Variants in FHIT observed in about 807,000 individuals in gnomAD.
FHIT encodes fragile histidine triad diadenosine triphosphatase.
A neutral mutation model predicts 17.9 loss-of-function variants in FHIT; 19 were observed. That is an observed-to-expected ratio of 1.06 (90% CI 0.74 to 1.56). FHIT has a LOEUF of 1.56. FHIT is among the 40% of genes most tolerant of loss of function. The pLI is 0.00. For missense variants in FHIT, 248 were observed against 189.2 expected, an observed-to-expected ratio of 1.31 and a Z score of -1.82; for synonymous variants, 81 against 69.7, an observed-to-expected ratio of 1.16 and a Z score of -0.81.
At chr3:60,378,956 A>G (rs114059387) in intron 5 of FHIT, among the ~76,000 whole-genome samples, 1,684 of 152,332 alleles carry the variant, frequency 0.011, 31 homozygotes, top group African/African-American at 0.039. Context: ...ACTACAATCA[A>G]GTAGGTGGTA....
intron 5 of FHIT, among the ~76,000 whole-genome samples, chr3:60,424,104 A>G (rs182430597): frequency 1.3e-5 from 2 of 152,252 alleles, no homozygotes; most frequent in East Asian, 3.9e-4. Context: ...CTTTAACCCT[A>G]TAATATCCCT....
At chr3:60,255,320 A>G (rs17339157) in intron 5 of FHIT, among the ~76,000 whole-genome samples, 26,420 of 152,166 alleles carry the variant, frequency 0.17, 2,409 homozygotes, top group Admixed American at 0.26. Context: ...CAGGGTTTAA[A>G]CATCAAACCA....
chr3:60,697,590 T>C (rs1417994198), intron 4 of FHIT, among the ~76,000 whole-genome samples: 1 of 152,116 alleles, frequency 6.6e-6, no homozygotes, highest in African/African-American at 2.4e-5. Context: ...TGTAAACCAA[T>C]CAGAATAGCA....
intron 4 of FHIT, among the ~76,000 whole-genome samples, chr3:60,821,224 C>G (rs1183481035): frequency 6.6e-6 from 1 of 152,156 alleles, no homozygotes; most frequent in Non-Finnish European, 1.5e-5. Flanking sequence ...GATCCACCTA[C>G]CTCGGCCTCC....
rs1708519870 is a variant in FHIT, at chr3:59,978,690, T to A, written c.279+32681A>T. Among the ~76,000 whole-genome samples the A allele has an allele frequency of 4.0e-5, 6 of 150,176 alleles. No homozygotes were observed. The South Asian group carries it at 1.3e-3, about 32-fold the overall frequency. On this transcript the variant is annotated intron_variant, in intron 7 of 9. Transcript: ENST00000492590. ...AAATTACTGCAAAACTATGTGCATA[T>A]GCCTATCCAATAGTTTTTCAGTAAT...
At chr3:60,836,687 C>T (rs1702552749) in intron 3 of FHIT, among the ~76,000 whole-genome samples, 1 of 152,082 alleles carries the variant, frequency 6.6e-6, no homozygotes, top group African/African-American at 2.4e-5. Flanking sequence ...GTCCAGTTAA[C>T]AAGAGTGAGG....
At chr3:60,979,612 T>G (rs1710406656) in intron 3 of FHIT, among the ~76,000 whole-genome samples, 1 of 152,150 alleles carries the variant, frequency 6.6e-6, no homozygotes, top group Non-Finnish European at 1.5e-5. Flanking sequence ...GCCTGACCCT[T>G]CTGGGCCCGT....
intron 5 of FHIT, among the ~76,000 whole-genome samples, chr3:60,141,571 T>C (rs543455478): frequency 1.3e-5 from 2 of 152,234 alleles, no homozygotes; most frequent in Admixed American, 6.5e-5. Flanking sequence ...ATTCCTAAAA[T>C]CTGTCAGTGT....
intron 1 of FHIT, among the ~76,000 whole-genome samples, chr3:61,201,818 T>G (rs971386212): frequency 3.3e-5 from 5 of 152,180 alleles, no homozygotes; most frequent in Non-Finnish European, 5.9e-5. Flanking sequence ...AATAGTGTAA[T>G]ATTGCATTTG....
Position 60,883,736 on chromosome 3 carries a change from G to T in FHIT, c.-110-61725C>A, listed in dbSNP as rs555122623. 7.9e-5 allele frequency among the ~76,000 whole-genome samples: 12 copies of T among 152,190 alleles called. No individual in the cohort carries two copies. The East Asian group carries it at 9.7e-4, about 12-fold the overall frequency. ...ATCAAAATGGACTAAATAATTAAAT[G>T]TAAGGCCTCGAACTATAAAACTAAG... On this transcript the variant is annotated intron_variant, in intron 3 of 9. Coordinates refer to ENST00000492590, the MANE Select transcript of FHIT (RefSeq NM_002012.4).
intron 8 of FHIT, among the ~76,000 whole-genome samples, chr3:59,892,573 A>C (rs1703901416): frequency 6.6e-6 from 1 of 152,230 alleles, no homozygotes; most frequent in African/African-American, 2.4e-5. Context: ...TAAGAGCTGG[A>C]AAATTAAGCC....
At chr3:60,423,905 T>A (rs1012918646) in intron 5 of FHIT, among the ~76,000 whole-genome samples, 6 of 152,176 alleles carry the variant, frequency 3.9e-5, no homozygotes, top group Non-Finnish European at 8.8e-5. Context: ...CCACCTTTTC[T>A]CTTCATTCTT....
intron 2 of FHIT, among the ~76,000 whole-genome samples, chr3:61,139,738 A>C (rs2037021607): frequency 6.6e-6 from 1 of 152,188 alleles, no homozygotes; most frequent in Admixed American, 6.5e-5. Flanking sequence ...ATCTTGGCTC[A>C]TGTATATGTG....
intron 5 of FHIT, among the ~76,000 whole-genome samples, chr3:60,428,957 G>A (rs1224337120): frequency 6.6e-6 from 1 of 152,076 alleles, no homozygotes; most frequent in Non-Finnish European, 1.5e-5. Context: ...CAGTTACTCT[G>A]CTTGGCCTTA....
chr3:61,145,466 T>C (rs1234782778), intron 2 of FHIT, among the ~76,000 whole-genome samples: 1 of 152,090 alleles, frequency 6.6e-6, no homozygotes, highest in African/African-American at 2.4e-5. Flanking sequence ...TTCAAACTTC[T>C]TTCTTCTTTT....
intron 4 of FHIT, among the ~76,000 whole-genome samples, chr3:60,710,448 A>G (rs1201776095): frequency 6.6e-6 from 1 of 152,188 alleles, no homozygotes; most frequent in Admixed American, 6.5e-5. Flanking sequence ...TGCACCGTGC[A>G]CCAGCTGAAG....
At chr3:60,926,877 C>T (rs1301529811) in intron 3 of FHIT, among the ~76,000 whole-genome samples, 2 of 152,142 alleles carry the variant, frequency 1.3e-5, no homozygotes, top group South Asian at 2.1e-4. Context: ...GGGGATATCA[C>T]CACTGATCCC....
chr3:60,835,133 C>T (rs782224946), intron 3 of FHIT, among the ~76,000 whole-genome samples: 3 of 152,070 alleles, frequency 2.0e-5, no homozygotes, highest in Non-Finnish European at 4.4e-5. Flanking sequence ...AGTAACTATG[C>T]AATACTTCTT....
At chr3:60,890,103 T>C (rs1325881388) in intron 3 of FHIT, among the ~76,000 whole-genome samples, 1 of 152,058 alleles carries the variant, frequency 6.6e-6, no homozygotes, top group Non-Finnish European at 1.5e-5. Flanking sequence ...GGGTTGGTTT[T>C]CTGACTTGCT....
Sources: allele counts gnomAD v4.1 joint callset (sites outside exome capture counted in the v4.1 genomes callset), GRCh38; gene constraint gnomAD v4.1.1; transcripts MANE v1.5; gene names NCBI Gene and HGNC (gene_info 2026-07-23, HGNC 2026-07-21).